Variants in LHFPL3 observed in about 807,000 individuals in gnomAD.
The protein encoded by LHFPL3 is LHFPL tetraspan subfamily member 3 protein.
A neutral mutation model predicts 19.3 loss-of-function variants in LHFPL3; 5 were observed. The observed-to-expected ratio is 0.26, with a 90% CI of 0.14 to 0.54. LHFPL3 has a LOEUF of 0.54. Ranked by LOEUF, LHFPL3 falls within the 20% of genes least tolerant of loss-of-function variation. The pLI is 0.94. For synonymous variants in LHFPL3, 133 were observed against 126.2 expected (o/e 1.05, Z -0.36); for missense variants, 249 against 307.4 (o/e 0.81, Z 1.42).
intron 1 of LHFPL3, among the ~76,000 whole-genome samples, chr7:104,709,644 A>G (rs928025814): frequency 6.6e-6 from 1 of 151,464 alleles, no homozygotes; most frequent in Non-Finnish European, 1.5e-5. Context: ...CTACACAGAC[A>G]CAGTAACAAT....
intron 1 of LHFPL3, among the ~76,000 whole-genome samples, chr7:104,557,648 C>T (rs1216297940): frequency 2.6e-5 from 4 of 151,820 alleles, no homozygotes; most frequent in African/African-American, 4.8e-5. Context: ...AGACTTTAAT[C>T]TGTTTTTTAT....
intron 1 of LHFPL3, among the ~76,000 whole-genome samples, chr7:104,566,888 A>G (rs1790135063): frequency 6.6e-6 from 1 of 152,196 alleles, no homozygotes; most frequent in African/African-American, 2.4e-5. Flanking sequence ...TCATAAGAAG[A>G]AAATGTTATA....
At chr7:104,516,309 C>T (rs1046735757) in intron 1 of LHFPL3, among the ~76,000 whole-genome samples, 1 of 152,062 alleles carries the variant, frequency 6.6e-6, no homozygotes, top group Admixed American at 6.6e-5. Flanking sequence ...CCTTATGATT[C>T]AGTTATCTCC....
At chr7:104,452,180 A>G (rs1792451613) in intron 1 of LHFPL3, among the ~76,000 whole-genome samples, 3 of 152,064 alleles carry the variant, frequency 2.0e-5, no homozygotes, top group Admixed American at 2.0e-4. Context: ...ATGCACAGGT[A>G]TAGATTGATT....
intron 1 of LHFPL3, among the ~76,000 whole-genome samples, chr7:104,657,475 C>CCAAT (rs138477171): frequency 0.076 from 11,523 of 152,270 alleles, 786 homozygotes; most frequent in East Asian, 0.36. Flanking sequence ...GTTGGATATA[C>CCAAT]CAATGTCTTG....
chr7:104,583,411 A>C (rs942525903), intron 1 of LHFPL3, among the ~76,000 whole-genome samples: 2 of 152,252 alleles, frequency 1.3e-5, no homozygotes, highest in African/African-American at 4.8e-5. Flanking sequence ...GCAGAACTTC[A>C]TGTCTAAAAC....
chr7:104,509,834 T>C (rs1279615042), intron 1 of LHFPL3, among the ~76,000 whole-genome samples: 2 of 152,036 alleles, frequency 1.3e-5, no homozygotes, highest in Non-Finnish European at 1.5e-5. Flanking sequence ...ACGATCTATG[T>C]AGAAAGTCCC....
chr7:104,560,856 C>T (rs1320090315), intron 1 of LHFPL3, among the ~76,000 whole-genome samples: 2,158 of 149,404 alleles, frequency 0.014, 45 homozygotes, highest in African/African-American at 0.052. Flanking sequence ...GCTTTGAATG[C>T]GTCCCAGAGA....
chr7:104,809,667 T>C (rs1468074628), intron 2 of LHFPL3, among the ~76,000 whole-genome samples: 1 of 152,248 alleles, frequency 6.6e-6, no homozygotes, highest in Non-Finnish European at 1.5e-5. Context: ...TTTTATAATA[T>C]ATATAGTACC....
chr7:104,866,239 T>C (rs1791719320), intron 2 of LHFPL3, among the ~76,000 whole-genome samples: 1 of 152,180 alleles, frequency 6.6e-6, no homozygotes, highest in African/African-American at 2.4e-5. Context: ...TAACCTTAAA[T>C]GTAAATGGGC....
chr7:104,872,868 A>T (rs1265060077), intron 2 of LHFPL3, among the ~76,000 whole-genome samples: 1 of 152,362 alleles, frequency 6.6e-6, no homozygotes, highest in East Asian at 1.9e-4. Flanking sequence ...AACTATAAAC[A>T]ATAAATACCT....
chr7:104,699,825 G>C (rs1793067923), intron 1 of LHFPL3, among the ~76,000 whole-genome samples: 1 of 152,172 alleles, frequency 6.6e-6, no homozygotes, highest in Non-Finnish European at 1.5e-5. Context: ...GCTGACATCA[G>C]CTGGGGTACT....
chr7:104,468,603 C>A (rs951873126), intron 1 of LHFPL3, among the ~76,000 whole-genome samples: 2 of 151,552 alleles, frequency 1.3e-5, no homozygotes, highest in Non-Finnish European at 1.5e-5. Flanking sequence ...TTTGGCATGG[C>A]ACAGTTTCCA....
intron 2 of LHFPL3, among the ~76,000 whole-genome samples, chr7:104,775,992 G>T (rs7459029): frequency 6.6e-6 from 1 of 151,958 alleles, no homozygotes; most frequent in Non-Finnish European, 1.5e-5. Flanking sequence ...AAGGAAAGAA[G>T]CTAATTCCAA....
chr7:104,347,388 T>C (rs1245968092), intron 1 of LHFPL3, among the ~76,000 whole-genome samples: 2 of 152,118 alleles, frequency 1.3e-5, no homozygotes, highest in African/African-American at 4.8e-5. Flanking sequence ...GAACAAGGTG[T>C]GAAACTTTCC....
intron 1 of LHFPL3, among the ~76,000 whole-genome samples, chr7:104,578,735 C>G (rs1371224957): frequency 1.3e-5 from 2 of 152,004 alleles, no homozygotes; most frequent in African/African-American, 4.8e-5. Flanking sequence ...ACCACTATAC[C>G]CCTTAATCTC....
At chr7:104,393,500 G>A (rs180988771) in intron 1 of LHFPL3, among the ~76,000 whole-genome samples, 67 of 151,982 alleles carry the variant, frequency 4.4e-4, no homozygotes, top group African/African-American at 1.4e-3. Flanking sequence ...GGAGGATCAC[G>A]AGGTCAGGAG....
chr7:104,518,517 A>T (rs1793967449), intron 1 of LHFPL3, among the ~76,000 whole-genome samples: 1 of 151,970 alleles, frequency 6.6e-6, no homozygotes, highest in African/African-American at 2.4e-5. Flanking sequence ...ACTACTGGAC[A>T]CATTTAAAAG....
chr7:104,627,607 A>T (rs1791569963), intron 1 of LHFPL3, among the ~76,000 whole-genome samples: 1 of 152,126 alleles, frequency 6.6e-6, no homozygotes, highest in Non-Finnish European at 1.5e-5. Context: ...TTAAAATTAG[A>T]TTTCCTACTC....
Sources: gnomAD v4.1 joint callset for allele counts (sites outside exome capture counted in the v4.1 genomes callset) on GRCh38, gnomAD v4.1.1 for gene constraint, MANE v1.5 for transcripts, NCBI Gene and HGNC (gene_info 2026-07-23, HGNC 2026-07-21) for gene names.